PPFIBP2: variants seen among roughly 807,000 people sequenced by gnomAD.
PPFIBP2 encodes the protein liprin-beta-2.
In PPFIBP2, 118 loss-of-function variants were observed where a neutral mutation model predicts 118.3. The ratio of observed to expected loss-of-function variants is 1.00; its 90% CI spans 0.86 to 1.16. PPFIBP2 has a LOEUF of 1.16. PPFIBP2 is among the 50% of genes most tolerant of loss of function. PPFIBP2 has a pLI of 0.00. For synonymous variants in PPFIBP2, 414 were observed against 397.4 expected (o/e 1.04, Z -0.50); for missense variants, 1,195 against 1,073.1 (o/e 1.11, Z -1.59).
intron 21 of PPFIBP2, among the ~76,000 whole-genome samples, chr11:7,650,003 G>C (rs991511224): frequency 3.9e-5 from 6 of 152,176 alleles, no homozygotes; most frequent in Admixed American, 1.3e-4. Flanking sequence ...GACAGAGGAG[G>C]GGGAAGAGGA....
At chr11:7,592,679 A>G (rs941134947) in intron 3 of PPFIBP2, among the ~76,000 whole-genome samples, 5 of 152,082 alleles carry the variant, frequency 3.3e-5, no homozygotes, top group Non-Finnish European at 7.4e-5. Flanking sequence ...GCTTCAGGGG[A>G]CCCTGGCATG....
chr11:7,560,028 C>A (rs1854118450), intron 2 of PPFIBP2, among the ~76,000 whole-genome samples: 1 of 152,160 alleles, frequency 6.6e-6, no homozygotes, highest in Non-Finnish European at 1.5e-5. Context: ...CCAGAAGGTT[C>A]CCCCTTAAGC....
chr11:7,615,837 A>T lies in PPFIBP2; in HGVS notation c.619-5098A>T, dbSNP rs140369951. On this transcript the variant is annotated intron_variant, in intron 6 of 23. Coordinates refer to ENST00000299492, the MANE Select transcript of PPFIBP2 (RefSeq NM_003621.5). ...AGGCATAAACAGACATGCACTGTAG[A>T]CTTGGGTAAATCATAACTCTGACAA... 9.8e-4 allele frequency among the ~76,000 whole-genome samples: 149 copies of T among 152,344 alleles called. 2 individuals carry two copies. The East Asian group carries it at 0.028, about 28-fold the overall frequency.
chr11:7,564,096 G>A (rs1854658369), intron 2 of PPFIBP2, among the ~76,000 whole-genome samples: 1 of 152,058 alleles, frequency 6.6e-6, no homozygotes. Flanking sequence ...AACCTGGGAG[G>A]CGGAGCTTGC....
chr11:7,588,971 T>C (rs1489556873), intron 3 of PPFIBP2, among the ~76,000 whole-genome samples: 1 of 152,236 alleles, frequency 6.6e-6, no homozygotes, highest in Admixed American at 6.5e-5. Flanking sequence ...GTTCTCACTA[T>C]ATTTTTAGGT....
intron 3 of PPFIBP2, 112 bp from the exon 4 acceptor site, chr11:7,593,020 A>T: frequency 7.0e-7 from 1 of 1,429,556 alleles, no homozygotes; most frequent in South Asian, 1.4e-5. Context: ...TTTTGTACAT[A>T]TAATCAGTGA....
At chr11:7,613,101 C>T (rs1335072347) in intron 6 of PPFIBP2, among the ~76,000 whole-genome samples, 4 of 150,914 alleles carry the variant, frequency 2.7e-5, no homozygotes, top group Non-Finnish European at 5.9e-5. Context: ...TTTTTTTTTT[C>T]CCCCTCAGGT....
chr11:7,594,942 AAGG>A (rs1565023340), intron 4 of PPFIBP2, among the ~76,000 whole-genome samples: 2 of 151,882 alleles, frequency 1.3e-5, no homozygotes, highest in African/African-American at 4.8e-5. Flanking sequence ...AAAAAAGAAA[AAGG>A]AGAGTGTGAA....
rs923824685 is a variant in PPFIBP2 at position 7,642,498 on chromosome 11, G to C, written c.1646+72G>C. 6.7e-6 allele frequency: 10 copies of C among 1,490,458 alleles called. No homozygotes were observed. In the East Asian group the frequency reaches 2.5e-4, roughly 37 times the overall value. 92.3% of individuals were successfully genotyped at this position (1,490,458 alleles called of 1,614,324 possible). On this transcript the variant is annotated intron_variant, in intron 17 of 23. Coordinates refer to ENST00000299492, the MANE Select transcript of PPFIBP2 (RefSeq NM_003621.5). ...AGTATCTCCCTTCAAACCTGCATGG[G>C]TGAATCTTTACTCCTGTGTTTTGCG...
chr11:7,585,545 G>A (rs777734570), intron 3 of PPFIBP2, among the ~76,000 whole-genome samples: 4 of 152,226 alleles, frequency 2.6e-5, no homozygotes, highest in Non-Finnish European at 4.4e-5. Context: ...CATCCCTGAG[G>A]TGTACCAGAG....
rs768751570 is a variant in PPFIBP2, at chr11:7,641,568, C to G, written c.1465C>G (p.Leu489Val). The part of the protein sequence containing the change: ...SGTESGPQSP[L>V]TPDGKRNPKG... ...CACTGAATCAGGTCCTCAGTCTCCTCTGACACCAGATGGTAAACGGAATCC... is the reference window on the plus strand; with the variant it reads ...CACTGAATCAGGTCCTCAGTCTCCTGTGACACCAGATGGTAAACGGAATCC... The change falls in exon 16 of 24, where the codon CTG (leucine) becomes GTG (valine). Residue 489 changes from leucine to valine, a missense_variant. Physicochemically the swap from Leu to Val is conservative, Grantham distance 32. Transcript: ENST00000299492. 6.2e-7 allele frequency: 1 copy of G among 1,614,038 alleles called. No homozygotes were observed. The highest frequency in any genetic ancestry group is 1.1e-5 in the South Asian group (1 of 91,076).
chr11:7,564,099 G>A (rs1029943700), intron 2 of PPFIBP2, among the ~76,000 whole-genome samples: 1 of 151,980 alleles, frequency 6.6e-6, no homozygotes, highest in Admixed American at 6.6e-5. Context: ...CTGGGAGGCG[G>A]AGCTTGCAGT....
At chr11:7,663,829 G>T in the PPFIBP2 span, among the ~76,000 whole-genome samples, 40 of 152,350 alleles carry the variant, frequency 2.6e-4, no homozygotes, top group South Asian at 7.2e-3. Context: ...CTCCCAGCCA[G>T]GTGCGGGATA....
chr11:7,644,768 C>T (rs1015550610), intron 17 of PPFIBP2, among the ~76,000 whole-genome samples: 2 of 152,118 alleles, frequency 1.3e-5, no homozygotes, highest in African/African-American at 4.8e-5. Context: ...TGGCTCACGC[C>T]TGTAATCCCA....
intron 1 of PPFIBP2, among the ~76,000 whole-genome samples, chr11:7,530,824 TGG>T (rs35957588): frequency 3.9e-5 from 6 of 152,076 alleles, no homozygotes; most frequent in Admixed American, 3.3e-4. Flanking sequence ...GGCTTGAGGC[TGG>T]GGGTATGGGG....
At chr11:7,613,401 C>G (rs1476052885) in intron 6 of PPFIBP2, among the ~76,000 whole-genome samples, 1 of 152,146 alleles carries the variant, frequency 6.6e-6, no homozygotes, top group Non-Finnish European at 1.5e-5. Context: ...TAGGGACTTG[C>G]AGGCGCAGGT....
chr11:7,604,438 A>C (rs1206261289), intron 5 of PPFIBP2, among the ~76,000 whole-genome samples: 11 of 151,312 alleles, frequency 7.3e-5, no homozygotes, highest in Admixed American at 7.2e-4. Context: ...ACATGCACCC[A>C]CACACACCCA....
At chr11:7,529,723 C>A (rs957303351) in intron 1 of PPFIBP2, among the ~76,000 whole-genome samples, 2 of 152,258 alleles carry the variant, frequency 1.3e-5, no homozygotes, top group African/African-American at 4.8e-5. Flanking sequence ...TCTTCTCTGT[C>A]AGGTACCTGC....
chr11:7,525,171 G>A (rs10839797), intron 1 of PPFIBP2, among the ~76,000 whole-genome samples: 91,079 of 151,958 alleles, frequency 0.6, 27,814 homozygotes, highest in African/African-American at 0.7. Flanking sequence ...ACTCCTGTGG[G>A]CCCTGGTAGC....
Sources: gnomAD v4.1 joint callset for allele counts (sites outside exome capture counted in the v4.1 genomes callset) on GRCh38, gnomAD v4.1.1 for gene constraint, MANE v1.5 for transcripts, NCBI Gene and HGNC (gene_info 2026-07-23, HGNC 2026-07-21) for gene names.